The following RPH3A variants were observed in gnomAD, a reference collection of about 807,000 sequenced individuals.
RPH3A encodes rabphilin-3A.
Under a neutral mutation model 102.2 loss-of-function variants are expected in RPH3A, and 48 were observed. That is an observed-to-expected ratio of 0.47 (90% CI 0.37 to 0.60). The LOEUF (loss-of-function observed/expected upper bound fraction) is 0.60. Among genes scored for constraint, RPH3A ranks in the 20% least tolerant of loss-of-function variants. The probability of loss-of-function intolerance (pLI) is 0.00; values close to 1 mark genes in which losing one functional copy is unlikely to be tolerated. For synonymous variants in RPH3A, 310 were observed against 324.3 expected (o/e 0.96, Z 0.47); for missense variants, 781 against 910.1 (o/e 0.86, Z 1.83).
intron 1 of RPH3A, among the ~76,000 whole-genome samples, chr12:112,786,068 C>T (rs1024851924): frequency 6.6e-6 from 1 of 152,114 alleles, no homozygotes. Context: ...GACTGAGGTT[C>T]GGAGCATGCC....
chr12:112,664,803 T>G (rs2040073123), intron 1 of RPH3A, among the ~76,000 whole-genome samples: 1 of 152,108 alleles, frequency 6.6e-6, no homozygotes, highest in Non-Finnish European at 1.5e-5. Context: ...CGACCCCGTG[T>G]CTTCTATGGA....
At chr12:112,577,995 C>T (rs1404328413) in intron 1 of RPH3A, among the ~76,000 whole-genome samples, 2 of 152,136 alleles carry the variant, frequency 1.3e-5, no homozygotes, top group Non-Finnish European at 2.9e-5. Context: ...CTCTTAGACA[C>T]CTGCCTCAGG....
At chr12:112,672,267 G>T (rs997291173) in intron 1 of RPH3A, among the ~76,000 whole-genome samples, 1 of 151,982 alleles carries the variant, frequency 6.6e-6, no homozygotes, top group African/African-American at 2.4e-5. Context: ...CTCCATCTTC[G>T]CTCTTAAGGC....
intron 1 of RPH3A, among the ~76,000 whole-genome samples, chr12:112,591,254 T>C (rs1566219748): frequency 6.6e-6 from 1 of 151,648 alleles, no homozygotes; most frequent in African/African-American, 2.4e-5. Context: ...CCCAGATAAT[T>C]AAAAAAAATT....
rs79035082 is a variant in RPH3A, at chr12:112,798,818, C to G, written c.-19+6555C>G. 4.3e-3 allele frequency among the ~76,000 whole-genome samples: 652 copies of G among 152,108 alleles called. 3 individuals are homozygous for G. Among genetic ancestry groups the G allele is most frequent in the Non-Finnish European group, 5.8e-3 (394 of 67,990 alleles). ...TAATTCCCTGCTTTCTCCTTGCAGT[C>G]TCTCTTTTCTCCCCATCTTTCCCTC... On this transcript the variant is annotated intron_variant, in intron 2 of 21. Coordinates refer to ENST00000389385, the MANE Select transcript of RPH3A (RefSeq NM_001143854.2).
At chr12:112,830,016 C>T (rs1167950215) in intron 3 of RPH3A, among the ~76,000 whole-genome samples, 1 of 152,108 alleles carries the variant, frequency 6.6e-6, no homozygotes, top group African/African-American at 2.4e-5. Context: ...TAATATCACC[C>T]TGTCATTTAC....
At chr12:112,579,578 G>C (rs571913739) in intron 1 of RPH3A, among the ~76,000 whole-genome samples, 1 of 152,240 alleles carries the variant, frequency 6.6e-6, no homozygotes, top group South Asian at 2.1e-4. Flanking sequence ...TTGTTTAAAA[G>C]ATTAGCTGTA....
intron 5 of RPH3A, among the ~76,000 whole-genome samples, chr12:112,859,541 T>G (rs975781682): frequency 1.3e-5 from 2 of 152,208 alleles, no homozygotes; most frequent in Non-Finnish European, 2.9e-5. Context: ...CTGATGTATA[T>G]ATACATATTT....
intron 5 of RPH3A, among the ~76,000 whole-genome samples, chr12:112,862,656 A>C (rs894381592): frequency 4.0e-5 from 6 of 151,762 alleles, no homozygotes; most frequent in African/African-American, 1.5e-4. Flanking sequence ...AGCTCTGTGC[A>C]TGGTGCCTCC....
intron 1 of RPH3A, among the ~76,000 whole-genome samples, chr12:112,696,974 ATTTAAGATT>A (rs2040357375): frequency 6.6e-6 from 1 of 151,946 alleles, no homozygotes; most frequent in Admixed American, 6.6e-5. Context: ...CAATGATACT[ATTTAAGATT>A]TTTAAAAAGC....
intron 14 of RPH3A, among the ~76,000 whole-genome samples, chr12:112,881,266 TC>T (rs2042904226): frequency 6.6e-6 from 1 of 152,196 alleles, no homozygotes; most frequent in African/African-American, 2.4e-5. Flanking sequence ...CTGAGCCTCA[TC>T]CCAGCCCTGA....
chr12:112,600,488 C>A (rs2039549898), intron 1 of RPH3A, among the ~76,000 whole-genome samples: 1 of 152,198 alleles, frequency 6.6e-6, no homozygotes, highest in African/African-American at 2.4e-5. Context: ...AGCAGTATGT[C>A]TTCAGTCAAA....
At chr12:112,686,974 G>A (rs781167405) in intron 1 of RPH3A, among the ~76,000 whole-genome samples, 11 of 152,124 alleles carry the variant, frequency 7.2e-5, no homozygotes, top group Non-Finnish European at 7.4e-5. Flanking sequence ...ATTTAACTAG[G>A]CATGGTGGCA....
At chr12:112,596,415 G>A (rs1312961737) in intron 1 of RPH3A, among the ~76,000 whole-genome samples, 1 of 152,138 alleles carries the variant, frequency 6.6e-6, no homozygotes, top group East Asian at 1.9e-4. Context: ...CAAAGTTTTG[G>A]TTTGTATTAG....
intron 1 of RPH3A, among the ~76,000 whole-genome samples, chr12:112,706,839 C>A (rs1472259101): frequency 6.6e-6 from 1 of 152,270 alleles, no homozygotes; most frequent in South Asian, 2.1e-4. Context: ...CAGAAACAGA[C>A]TTAAGCTTAC....
chr12:112,864,674 C>T (rs1488346646), intron 5 of RPH3A, among the ~76,000 whole-genome samples: 1 of 152,128 alleles, frequency 6.6e-6, no homozygotes, highest in South Asian at 2.1e-4. Flanking sequence ...CCTTGGAGGA[C>T]TTATAAAATA....
chr12:112,863,162 C>T (rs1480611991), intron 5 of RPH3A, among the ~76,000 whole-genome samples: 1 of 152,224 alleles, frequency 6.6e-6, no homozygotes, highest in Non-Finnish European at 1.5e-5. Context: ...CATCATGTGC[C>T]ACCACCTGGG....
At chr12:112,797,369 G>A (rs2041253035) in intron 2 of RPH3A, among the ~76,000 whole-genome samples, 1 of 152,152 alleles carries the variant, frequency 6.6e-6, no homozygotes, top group African/African-American at 2.4e-5. Flanking sequence ...GCATTACTAG[G>A]CTTGTAGGCA....
intron 1 of RPH3A, among the ~76,000 whole-genome samples, chr12:112,654,326 G>A (rs1399684666): frequency 1.3e-5 from 2 of 152,192 alleles, no homozygotes; most frequent in African/African-American, 2.4e-5. Flanking sequence ...GAGGTCTGCA[G>A]AAGCATCTAC....
Sources: gnomAD v4.1 joint callset for allele counts (sites outside exome capture counted in the v4.1 genomes callset) on GRCh38, gnomAD v4.1.1 for gene constraint, MANE v1.5 for transcripts, NCBI Gene and HGNC (gene_info 2026-07-23, HGNC 2026-07-21) for gene names.